The following TSHZ2 variants were observed in gnomAD, a reference collection of about 807,000 sequenced individuals.
TSHZ2 encodes the protein teashirt homolog 2.
In TSHZ2, 21 loss-of-function variants were observed where a neutral mutation model predicts 74.4. The observed-to-expected ratio is 0.28, with a 90% confidence interval of 0.20 to 0.41. TSHZ2 has a LOEUF of 0.41. Among genes scored for constraint, TSHZ2 ranks in the 10% least tolerant of loss-of-function variants. TSHZ2 has a pLI of 1.00. For synonymous variants in TSHZ2, 540 were observed against 515.3 expected (o/e 1.05, Z -0.65); for missense variants, 1,244 against 1,293.5 (o/e 0.96, Z 0.59).
At chr20:53,266,187 G>A (rs181076279) in intron 2 of TSHZ2, among the ~76,000 whole-genome samples, 5 of 152,226 alleles carry the variant, frequency 3.3e-5, no homozygotes, top group African/African-American at 9.6e-5. Flanking sequence ...CAGGGAGTCC[G>A]GGAGGGCTTC....
At chr20:53,290,752 G>T (rs933600772) in intron 2 of TSHZ2, among the ~76,000 whole-genome samples, 1 of 152,158 alleles carries the variant, frequency 6.6e-6, no homozygotes, top group African/African-American at 2.4e-5. Context: ...TAAGGCCAAG[G>T]CTAGACCTGT....
chr20:53,043,081 A>G (rs1456737358), intron 1 of TSHZ2, among the ~76,000 whole-genome samples: 1 of 152,166 alleles, frequency 6.6e-6, no homozygotes, highest in Non-Finnish European at 1.5e-5. Flanking sequence ...GTTGGCAAAG[A>G]AAGCATAATT....
chr20:53,303,003 G>T (rs1380563504), intron 2 of TSHZ2, among the ~76,000 whole-genome samples: 1 of 152,136 alleles, frequency 6.6e-6, no homozygotes, highest in Non-Finnish European at 1.5e-5. Context: ...ACCTCTTCCA[G>T]TTCTTTCTGC....
chr20:53,041,014 G>A (rs998077246), intron 1 of TSHZ2, among the ~76,000 whole-genome samples: 13 of 152,188 alleles, frequency 8.5e-5, no homozygotes, highest in South Asian at 4.1e-4. Flanking sequence ...AAGGGGAAAC[G>A]AAACTGGTTA....
At chr20:53,118,702 G>A (rs73911311) in intron 1 of TSHZ2, among the ~76,000 whole-genome samples, 18,307 of 152,032 alleles carry the variant, frequency 0.12, 2,330 homozygotes, top group African/African-American at 0.33. Context: ...TTCTGGAGGG[G>A]GGAAGCTGTA....
At chr20:53,144,749 C>T (rs1987497421) in intron 1 of TSHZ2, among the ~76,000 whole-genome samples, 1 of 151,996 alleles carries the variant, frequency 6.6e-6, no homozygotes, top group African/African-American at 2.4e-5. Flanking sequence ...ATACTATGTT[C>T]CTCGTACTAT....
At chr20:53,245,255 T>C (rs1025455443) in intron 1 of TSHZ2, among the ~76,000 whole-genome samples, 1 of 152,256 alleles carries the variant, frequency 6.6e-6, no homozygotes, top group African/African-American at 2.4e-5. Flanking sequence ...CCCAAGATTG[T>C]CTTGTCCTTC....
At chr20:53,066,046 G>T (rs1045563579) in intron 1 of TSHZ2, among the ~76,000 whole-genome samples, 5 of 152,132 alleles carry the variant, frequency 3.3e-5, no homozygotes, top group African/African-American at 1.2e-4. Context: ...CGGAACTGCT[G>T]GGGCTTTCCT....
chr20:53,209,794 A>G (rs1215588356), intron 1 of TSHZ2, among the ~76,000 whole-genome samples: 1 of 152,170 alleles, frequency 6.6e-6, no homozygotes, highest in Non-Finnish European at 1.5e-5. Flanking sequence ...AACAGTGCAT[A>G]CGTGGAACCT....
At chr20:53,373,577 C>T (rs1981553607) in intron 2 of TSHZ2, among the ~76,000 whole-genome samples, 3 of 152,030 alleles carry the variant, frequency 2.0e-5, no homozygotes, top group Admixed American at 2.0e-4. Context: ...TGTTGTCAAC[C>T]CAAAGAGAGA....
In TSHZ2 at chr20:53,309,784, G is replaced by A. The variant is rs143514248; in HGVS notation, c.*8+53213G>A. Reference sequence around the variant, plus strand: ...CTGTCATTCAAAGTCATTTGAAAGTGGAAAGAGTAGGAACCCTTCTGACTT... The same window carrying A: ...CTGTCATTCAAAGTCATTTGAAAGTAGAAAGAGTAGGAACCCTTCTGACTT... On this transcript the variant is annotated intron_variant, in intron 2 of 2. Coordinates refer to ENST00000371497, the MANE Select transcript of TSHZ2 (RefSeq NM_173485.6). Among the ~76,000 whole-genome samples the A allele has an allele frequency of 4.6e-3, 695 of 152,302 alleles. 2 individuals are homozygous for A. The highest frequency in any genetic ancestry group is 7.3e-3 in the Non-Finnish European group (494 of 68,026).
At chr20:53,184,410 G>A (rs971345399) in intron 1 of TSHZ2, among the ~76,000 whole-genome samples, 12 of 152,074 alleles carry the variant, frequency 7.9e-5, no homozygotes, top group African/African-American at 2.9e-4. Context: ...TGTTTTGGAG[G>A]TCAATATTGT....
intron 2 of TSHZ2, among the ~76,000 whole-genome samples, chr20:53,355,202 C>T (rs1185455293): frequency 6.6e-6 from 1 of 152,092 alleles, no homozygotes; most frequent in Non-Finnish European, 1.5e-5. Flanking sequence ...AAAATAACTA[C>T]AAATGATAAG....
rs1013406918 is a variant in TSHZ2, at chr20:53,074,714, T to C, written c.40+101381T>C. On this transcript the variant is annotated intron_variant, in intron 1 of 2. Transcript: ENST00000371497. This position sits in a 1 kb window ranked among gnomAD's most constrained non-coding sequence, Gnocchi z 5.9. ...TTTTAACTATAGATACTAATTATAG[T>C]CTGAATTTTAAAGAAAAATTCAGGC... Among the ~76,000 whole-genome samples the C allele has an allele frequency of 8.5e-5, 13 of 152,238 alleles. No individual in the cohort carries two copies. The highest frequency in any genetic ancestry group is 3.1e-4 in the African/African-American group (13 of 41,464).
At chr20:53,107,571 A>G (rs994923375) in intron 1 of TSHZ2, among the ~76,000 whole-genome samples, 1 of 152,206 alleles carries the variant, frequency 6.6e-6, no homozygotes, top group South Asian at 2.1e-4. Flanking sequence ...AAATCAGGAC[A>G]TGGTGTGTAA....
At chr20:53,204,317 G>T (rs200453716) in intron 1 of TSHZ2, among the ~76,000 whole-genome samples, 4,137 of 124,726 alleles carry the variant, frequency 0.033, 526 homozygotes, top group East Asian at 0.24. Context: ...CATATAACAT[G>T]ATGATATGAT....
intron 2 of TSHZ2, among the ~76,000 whole-genome samples, chr20:53,468,832 A>G (rs111714830): frequency 0.011 from 1,718 of 150,694 alleles, 40 homozygotes; most frequent in African/African-American, 0.04. Context: ...GGAAGTTCAG[A>G]AGTTGGGATT....
At chr20:53,298,191 C>T (rs905323383) in intron 2 of TSHZ2, among the ~76,000 whole-genome samples, 4 of 152,228 alleles carry the variant, frequency 2.6e-5, no homozygotes, top group South Asian at 2.1e-4. Context: ...ACCCACTATA[C>T]GCCAGGTACT....
chr20:53,316,468 A>C (rs1979024774), intron 2 of TSHZ2, among the ~76,000 whole-genome samples: 2 of 152,150 alleles, frequency 1.3e-5, no homozygotes, highest in African/African-American at 4.8e-5. Flanking sequence ...ATGATGAAAC[A>C]ATTCAGGGGC....
Sources: gnomAD v4.1 joint callset for allele counts (sites outside exome capture counted in the v4.1 genomes callset) on GRCh38, gnomAD v4.1.1 for gene constraint, Gnocchi (gnomAD v3.1) non-coding constraint, MANE v1.5 for transcripts, NCBI Gene and HGNC (gene_info 2026-07-23, HGNC 2026-07-21) for gene names.